ADAMTSL1: variants seen among roughly 807,000 people sequenced by gnomAD.
ADAMTSL1 encodes the protein ADAMTS like 1, also known as ADAMTS-like protein 1.
Under a neutral mutation model 201.8 loss-of-function variants are expected in ADAMTSL1, and 126 were observed. The ratio of observed to expected loss-of-function variants is 0.62; its 90% CI spans 0.54 to 0.72. ADAMTSL1 has a LOEUF of 0.72. Ranked by LOEUF, ADAMTSL1 falls within the 30% of genes least tolerant of loss-of-function variation. The pLI, the probability that ADAMTSL1 is intolerant of heterozygous loss-of-function variation, is 0.00. For missense variants in ADAMTSL1, 2,679 were observed against 2,277.8 expected (o/e 1.18, Z -3.59); for synonymous variants, 1,121 against 903.4 (o/e 1.24, Z -4.32).
At chr9:17,929,122 C>T (rs946291366) in intron 1 of ADAMTSL1, among the ~76,000 whole-genome samples, 1 of 152,024 alleles carries the variant, frequency 6.6e-6, no homozygotes, top group Non-Finnish European at 1.5e-5. Context: ...GGTTTCTAAC[C>T]TTTTTAAATA....
At chr9:18,783,271 A>G (rs1821507977) in intron 19 of ADAMTSL1, among the ~76,000 whole-genome samples, 1 of 152,222 alleles carries the variant, frequency 6.6e-6, no homozygotes, top group Non-Finnish European at 1.5e-5. Context: ...TTGAACTCCA[A>G]CTGGTAGAAT....
chr9:18,598,875 G>T (rs1824443484), intron 4 of ADAMTSL1, among the ~76,000 whole-genome samples: 1 of 152,132 alleles, frequency 6.6e-6, no homozygotes. Context: ...AAAGGGACGG[G>T]GTGGGCTGGG....
intron 2 of ADAMTSL1, among the ~76,000 whole-genome samples, chr9:18,330,553 G>A (rs140061701): frequency 1.7e-3 from 264 of 152,138 alleles, no homozygotes; most frequent in African/African-American, 6.0e-3. Flanking sequence ...AATTCTGTTG[G>A]TTCATTTGTT....
intron 2 of ADAMTSL1, among the ~76,000 whole-genome samples, chr9:18,518,269 A>T (rs1818482037): frequency 1.3e-5 from 2 of 152,152 alleles, no homozygotes; most frequent in Admixed American, 1.3e-4. Context: ...CGTCGTACTC[A>T]ATAGGCAGTT....
chr9:18,243,657 C>T (rs2132459667), intron 2 of ADAMTSL1, among the ~76,000 whole-genome samples: 1 of 152,192 alleles, frequency 6.6e-6, no homozygotes, highest in South Asian at 2.1e-4. Context: ...AGCCTTCCTG[C>T]TCTTTCTCTA....
At chr9:18,264,307 T>A (rs1832037883) in intron 2 of ADAMTSL1, among the ~76,000 whole-genome samples, 2 of 152,316 alleles carry the variant, frequency 1.3e-5, no homozygotes, top group South Asian at 4.1e-4. Context: ...GCTTGAAATT[T>A]CTCTTAATCG....
intron 2 of ADAMTSL1, among the ~76,000 whole-genome samples, chr9:18,282,152 A>G (rs1466572892): frequency 1.3e-5 from 2 of 152,072 alleles, no homozygotes; most frequent in Non-Finnish European, 2.9e-5. Context: ...CTCTATGTCC[A>G]TGTGTACCCA....
chr9:18,836,099 C>A (rs1825294021), intron 23 of ADAMTSL1, among the ~76,000 whole-genome samples: 1 of 152,140 alleles, frequency 6.6e-6, no homozygotes, highest in Non-Finnish European at 1.5e-5. Flanking sequence ...TCCACAGCGG[C>A]TAAACTAATT....
At chr9:18,782,436 C>A (rs1394303053) in intron 19 of ADAMTSL1, among the ~76,000 whole-genome samples, 1 of 152,194 alleles carries the variant, frequency 6.6e-6, no homozygotes, top group African/African-American at 2.4e-5. Context: ...CACCGCTCAT[C>A]ATTGTCTATC....
At chr9:18,088,848 T>C (rs913420346) in intron 1 of ADAMTSL1, among the ~76,000 whole-genome samples, 1 of 152,160 alleles carries the variant, frequency 6.6e-6, no homozygotes, top group African/African-American at 2.4e-5. Flanking sequence ...AAATTACACA[T>C]AGAACTCCCA....
intron 3 of ADAMTSL1, among the ~76,000 whole-genome samples, chr9:18,536,858 A>G (rs1819804955): frequency 6.6e-6 from 1 of 152,166 alleles, no homozygotes; most frequent in South Asian, 2.1e-4. Context: ...TAAACCTCAA[A>G]TTTGAACCCC....
chr9:18,339,769 C>A (rs908377683), intron 2 of ADAMTSL1, among the ~76,000 whole-genome samples: 2 of 152,090 alleles, frequency 1.3e-5, no homozygotes, highest in Non-Finnish European at 2.9e-5. Context: ...TACCTCCAAA[C>A]TCTAGTATCT....
intron 2 of ADAMTSL1, among the ~76,000 whole-genome samples, chr9:18,195,260 C>G (rs1266972473): frequency 1.3e-5 from 2 of 152,122 alleles, no homozygotes; most frequent in Non-Finnish European, 2.9e-5. Flanking sequence ...GTAGTCCTTT[C>G]TGTGGGAACA....
chr9:18,043,291 A>C (rs1159475271), intron 1 of ADAMTSL1, among the ~76,000 whole-genome samples: 1 of 152,168 alleles, frequency 6.6e-6, no homozygotes, highest in Non-Finnish European at 1.5e-5. Context: ...ACTCCCAAGC[A>C]ACAGGAAGCT....
At chr9:18,647,181 G>T (rs961449777) in intron 7 of ADAMTSL1, among the ~76,000 whole-genome samples, 49 of 152,246 alleles carry the variant, frequency 3.2e-4, no homozygotes, top group Middle Eastern at 3.4e-3. Flanking sequence ...GTGTAGAGGT[G>T]CTTGTAGTAT....
chr9:18,503,203 A>G (rs772519158), intron 1 of ADAMTSL1, among the ~76,000 whole-genome samples: 19 of 151,322 alleles, frequency 1.3e-4, no homozygotes, highest in Non-Finnish European at 2.7e-4. Flanking sequence ...ACAACTCCCC[A>G]TTCCCCTCTC....
chr9:18,899,587 C>T (rs1219129767), intron 26 of ADAMTSL1, among the ~76,000 whole-genome samples: 12 of 152,140 alleles, frequency 7.9e-5, no homozygotes, highest in African/African-American at 2.7e-4. Flanking sequence ...GGTATAAGAA[C>T]AGACATATAG....
intron 3 of ADAMTSL1, among the ~76,000 whole-genome samples, chr9:18,559,418 T>C (rs1821327920): frequency 6.6e-6 from 1 of 152,208 alleles, no homozygotes; most frequent in Non-Finnish European, 1.5e-5. Flanking sequence ...AGCCTTGTAA[T>C]ATAGTTTGAA....
chr9:18,550,129 T>C (rs1820711609), intron 3 of ADAMTSL1, among the ~76,000 whole-genome samples: 1 of 152,006 alleles, frequency 6.6e-6, no homozygotes, highest in Non-Finnish European at 1.5e-5. Flanking sequence ...ATTTTCAAAA[T>C]CACCTAACTT....
Sources: gnomAD v4.1 joint callset for allele counts (sites outside exome capture counted in the v4.1 genomes callset) on GRCh38, gnomAD v4.1.1 for gene constraint, MANE v1.5 for transcripts, NCBI Gene and HGNC (gene_info 2026-07-23, HGNC 2026-07-21) for gene names.